SCHIP1: variants seen among roughly 807,000 people sequenced by gnomAD.
SCHIP1 encodes the protein schwannomin-interacting protein 1.
In SCHIP1, 8 loss-of-function variants were observed where a neutral mutation model predicts 29.7. The ratio of observed to expected loss-of-function variants is 0.27; its 90% CI spans 0.16 to 0.49. SCHIP1 has a LOEUF of 0.49. Among genes scored for constraint, SCHIP1 ranks in the 20% least tolerant of loss-of-function variants. The pLI is 0.99. For missense variants in SCHIP1, 193 were observed against 294.6 expected (o/e 0.66, Z 2.52); for synonymous variants, 76 against 94.9 (o/e 0.80, Z 1.16).
At chr3:159,359,969 G>A in the SCHIP1 span, among the ~76,000 whole-genome samples, 5 of 152,188 alleles carry the variant, frequency 3.3e-5, no homozygotes, top group Non-Finnish European at 5.9e-5. Context: ...TCCCTTGTTT[G>A]TTAGCTGACA....
At chr3:159,891,072 A>T (rs1289716151) in intron 5 of SCHIP1, among the ~76,000 whole-genome samples, 1 of 152,130 alleles carries the variant, frequency 6.6e-6, no homozygotes, top group Non-Finnish European at 1.5e-5. Flanking sequence ...GATTTCAGGA[A>T]GATTAGATAT....
chr3:159,764,698 C>A, the SCHIP1 span: 2,020 of 1,575,870 alleles, frequency 1.3e-3, 28 homozygotes, highest in African/African-American at 0.025. This position sits in a 1 kb window ranked among gnomAD's most constrained non-coding sequence, Gnocchi z 6.1. Context: ...GGAGGACGAG[C>A]GCGACCAGCG....
chr3:159,684,163 C>A, the SCHIP1 span, among the ~76,000 whole-genome samples: 2 of 152,140 alleles, frequency 1.3e-5, no homozygotes, highest in South Asian at 4.2e-4. Flanking sequence ...GCCAATATTT[C>A]TCTTGCTCTA....
the SCHIP1 span, among the ~76,000 whole-genome samples, chr3:159,792,059 G>GA: frequency 9.2e-4 from 140 of 151,798 alleles, 1 homozygote; most frequent in Non-Finnish European, 1.8e-3. Context: ...CTTGGGCCTA[G>GA]AAAAAAAATG....
chr3:159,293,550 A>G, the SCHIP1 span, among the ~76,000 whole-genome samples: 1 of 152,196 alleles, frequency 6.6e-6, no homozygotes, highest in South Asian at 2.1e-4. Context: ...CTGAAGCTAC[A>G]CTGCAATTCT....
At chr3:159,492,700 T>C in the SCHIP1 span, among the ~76,000 whole-genome samples, 1 of 152,082 alleles carries the variant, frequency 6.6e-6, no homozygotes, top group Non-Finnish European at 1.5e-5. Flanking sequence ...CAGGAGAACT[T>C]CCCCAACCTA....
At chr3:159,304,383 G>A in the SCHIP1 span, among the ~76,000 whole-genome samples, 12 of 152,238 alleles carry the variant, frequency 7.9e-5, no homozygotes, top group Middle Eastern at 3.4e-3. Context: ...GGTTATATCC[G>A]TGTTGGGTAT....
At chr3:159,791,474 G>A in the SCHIP1 span, among the ~76,000 whole-genome samples, 1 of 152,242 alleles carries the variant, frequency 6.6e-6, no homozygotes, top group African/African-American at 2.4e-5. Context: ...TCAGGGAGGG[G>A]AGACAGAGTC....
the SCHIP1 span, among the ~76,000 whole-genome samples, chr3:159,461,830 T>C: frequency 4.6e-5 from 7 of 152,188 alleles, no homozygotes; most frequent in African/African-American, 1.2e-4. Context: ...GCAAAGATAA[T>C]ACACGTTCAT....
At chr3:159,678,457 G>A in the SCHIP1 span, among the ~76,000 whole-genome samples, 1 of 152,272 alleles carries the variant, frequency 6.6e-6, no homozygotes, top group South Asian at 2.1e-4. Context: ...AACAAGACAG[G>A]TGTTTTTACT....
chr3:159,664,212 CAA>C, the SCHIP1 span, among the ~76,000 whole-genome samples: 1 of 152,164 alleles, frequency 6.6e-6, no homozygotes, highest in South Asian at 2.1e-4. Context: ...TCCCCAGAGG[CAA>C]AGTCACTGTG....
chr3:159,621,642 GT>G, the SCHIP1 span, among the ~76,000 whole-genome samples: 2 of 150,938 alleles, frequency 1.3e-5, no homozygotes, highest in Non-Finnish European at 2.9e-5. Flanking sequence ...TGTGTGTGTG[GT>G]TTTTTTGTTG....
chr3:159,850,293 C>T (rs1238985940), intron 1 of SCHIP1, among the ~76,000 whole-genome samples: 1 of 152,114 alleles, frequency 6.6e-6, no homozygotes, highest in Non-Finnish European at 1.5e-5. Context: ...GTGGCTTACA[C>T]CTGTAATCCC....
the SCHIP1 span, among the ~76,000 whole-genome samples, chr3:159,539,226 A>G: frequency 1.4e-5 from 2 of 139,266 alleles, 1 homozygote; most frequent in Non-Finnish European, 3.3e-5. Context: ...TTGGTAGTCA[A>G]TAATATGGAT....
the SCHIP1 span, among the ~76,000 whole-genome samples, chr3:159,719,338 C>G: frequency 1.3e-5 from 2 of 152,148 alleles, no homozygotes; most frequent in Non-Finnish European, 2.9e-5. Flanking sequence ...GACTTCATAT[C>G]TAAAACACCA....
chr3:159,888,238 A>G (rs552861392), intron 4 of SCHIP1: 23 of 331,136 alleles, frequency 6.9e-5, no homozygotes, highest in African/African-American at 4.2e-4. Context: ...TACTATTGCT[A>G]TAATTGTCAT....
the SCHIP1 span, among the ~76,000 whole-genome samples, chr3:159,356,251 T>A: frequency 6.6e-6 from 1 of 152,290 alleles, no homozygotes; most frequent in South Asian, 2.1e-4. Flanking sequence ...AGGGTTAAGT[T>A]GTTATCGTTC....
chr3:159,840,071 A>C, exon 1 of SCHIP1: 3 of 1,510,430 alleles, frequency 2.0e-6, no homozygotes, highest in Non-Finnish European at 2.6e-6. Flanking sequence ...ATCTGCGGGG[A>C]GCCCCTGCCT....
chr3:159,325,714 A>G, the SCHIP1 span, among the ~76,000 whole-genome samples: 4 of 152,018 alleles, frequency 2.6e-5, no homozygotes, highest in Admixed American at 6.6e-5. Context: ...CTCTAAAAGC[A>G]CCTGGATCTG....
Sources: allele counts gnomAD v4.1 joint callset (sites outside exome capture counted in the v4.1 genomes callset), GRCh38; gene constraint gnomAD v4.1.1; non-coding constraint Gnocchi (gnomAD v3.1); transcripts MANE v1.5; gene names NCBI Gene and HGNC (gene_info 2026-07-23, HGNC 2026-07-21).